The following FCSK variants were observed in gnomAD, a reference collection of about 807,000 sequenced individuals.
FCSK encodes the protein L-fucose kinase.
A neutral mutation model predicts 122.5 loss-of-function variants in FCSK; 123 were observed. The observed-to-expected ratio is 1.00, with a 90% confidence interval of 0.87 to 1.17. The LOEUF is 1.17. Among genes scored for constraint, FCSK ranks in the 50% most tolerant of loss-of-function variants. FCSK has a pLI of 0.00. For synonymous variants in FCSK, 620 were observed against 625.5 expected (o/e 0.99, Z 0.13); for missense variants, 1,366 against 1,450.4 (o/e 0.94, Z 0.95).
chr16:70,474,506 T>G, intron 16 of FCSK, 22 bp from the exon 17 acceptor site: 1 of 1,545,960 alleles, frequency 6.5e-7, no homozygotes, highest in Admixed American at 2.0e-5. Flanking sequence ...CATGCCACCA[T>G]CCCTCCCCCT....
intron 6 of FCSK, 97 bp downstream of exon 6, chr16:70,467,051 C>T (rs556896712): frequency 2.4e-5 from 28 of 1,144,926 alleles, no homozygotes; most frequent in African/African-American, 1.1e-4. Flanking sequence ...GGGCCTGCCC[C>T]GCTGCCCTAT....
intron 13 of FCSK, among the ~76,000 whole-genome samples, chr16:70,472,155 A>G (rs1310916004): frequency 6.6e-6 from 1 of 152,108 alleles, no homozygotes; most frequent in Admixed American, 6.6e-5. Flanking sequence ...ACTGGGATTC[A>G]GAGAGGGAGG....
In FCSK at chr16:70,473,468, G is replaced by A. The variant is rs2048699512; in HGVS notation, c.1777+115G>A. The A allele has an allele frequency of 2.4e-6, 3 of 1,249,890 alleles. No individual in the cohort carries two copies. In the Admixed American group the frequency reaches 9.0e-5, roughly 38 times the overall value. 77.4% of individuals were successfully genotyped at this position (1,249,890 alleles called of 1,614,324 possible). A position where few individuals can be genotyped will look rare whatever the true frequency, so the allele number is the denominator to read the frequency against. On this transcript the variant is annotated intron_variant, in intron 15 of 23. Coordinates refer to ENST00000288078, the MANE Select transcript of FCSK (RefSeq NM_145059.3). The surrounding 1 kb of genome is among the most constrained non-coding windows in gnomAD (Gnocchi z 4.9). ...ACCATGAGGTGCTCAAGCAGGGAAG[G>A]GGCATGCTGGAGTTTACTTTTAGGA...
chr16:70,475,447 C>T lies in FCSK; in HGVS notation c.2475C>T (p.Gly825=), dbSNP rs1389671836. 6.2e-7 allele frequency: 1 copy of T among 1,606,684 alleles called. No homozygotes were observed. Among genetic ancestry groups the T allele is most frequent in the African/African-American group, 1.3e-5 (1 of 74,916 alleles). The change falls in exon 19 of 24, where the codon GGC becomes GGT. Residue 825 remains glycine (G), a synonymous_variant. Transcript: ENST00000288078. Reference sequence around the variant, plus strand: ...AGCTGCTCCGCACCTTCGGGGGCGGCTTTGAGCTGCACACCTGGTCTGAGC... The same window carrying T: ...AGCTGCTCCGCACCTTCGGGGGCGGTTTTGAGCTGCACACCTGGTCTGAGC... ...SEQLLRTFGG[G]FELHTWSELP... is the part of the protein sequence containing the mutation.
At chr16:70,462,983 C>T (rs180918540) in intron 1 of FCSK, among the ~76,000 whole-genome samples, 186 bp from the exon 2 acceptor site, 4 of 152,220 alleles carry the variant, frequency 2.6e-5, no homozygotes, top group Non-Finnish European at 4.4e-5. Flanking sequence ...CTTTAGAGAG[C>T]AAATCAGTGG....
At position 70,474,245 on chromosome 16, in the gene FCSK, C is replaced by G. The variant is rs780240758; in HGVS notation, c.1894C>G (p.Pro632Ala). ...CTTGCGGAGCGGGCCAGCTGCCAAC[C>G]CTGAGTGGATGCGGCCCTTCTCATA... is the stretch of plus-strand genomic sequence containing the variant. ...GGLRSGPAAN[P>A]EWMRPFSYLE... Residue 632 changes from proline (P) to alanine (A), a missense_variant, in exon 16 of 24, where the codon CCT (proline) becomes GCT (alanine). By Grantham distance (27) the Pro-to-Ala change is conservative. Transcript: ENST00000288078. The G allele has an allele frequency of 4.1e-5, 66 of 1,611,084 alleles. No homozygotes were observed. The South Asian group carries it at 7.1e-4, about 17-fold the overall frequency.
chr16:70,463,315 C>G (rs368050018), intron 2 of FCSK, 43 bp downstream of exon 2: 1 of 1,528,074 alleles, frequency 6.5e-7, no homozygotes, highest in African/African-American at 1.4e-5. Context: ...TGGAGAACCT[C>G]CCTCCCCTTC....
At chr16:70,469,579 ACT>A (rs1015165046) in intron 10 of FCSK, among the ~76,000 whole-genome samples, 4 of 148,780 alleles carry the variant, frequency 2.7e-5, no homozygotes, top group Non-Finnish European at 4.5e-5. Context: ...TTTGAGACGG[ACT>A]CTCTCTTTGT....
At chr16:70,476,537 G>A (rs1386321311) in intron 20 of FCSK, among the ~76,000 whole-genome samples, 1 of 151,852 alleles carries the variant, frequency 6.6e-6, no homozygotes, top group East Asian at 1.9e-4. Context: ...CCAGCGCCAG[G>A]CTTCTCACTC....
chr16:70,470,533 A>G (rs2048580083), intron 11 of FCSK, 107 bp downstream of exon 11: 1 of 720,770 alleles, frequency 1.4e-6, no homozygotes, highest in South Asian at 1.6e-5. Context: ...ACCCGAGTGC[A>G]GGTGTTACCC....
chr16:70,468,838 G>A lies in FCSK; in HGVS notation c.664-11G>A, dbSNP rs769979963. The A allele has an allele frequency of 1.2e-6, 2 of 1,613,852 alleles. No individual in the cohort carries two copies. Among genetic ancestry groups the A allele is most frequent in the East Asian group, 4.5e-5 (2 of 44,880 alleles). The stretch of plus-strand genomic sequence containing the variant: ...GCCCTCCATCTCTGATCCTTTTGGG[G>A]TCCCTTCCAGGTCTCTGGGGTTGTC... On this transcript the variant is annotated splice_polypyrimidine_tract_variant and intron_variant, in intron 8 of 23. Coordinates refer to ENST00000288078, the MANE Select transcript of FCSK (RefSeq NM_145059.3).
chr16:70,463,573 G>T (rs2048329401), intron 2 of FCSK, 50 bp from the exon 3 acceptor site: 1 of 1,603,652 alleles, frequency 6.2e-7, no homozygotes, highest in South Asian at 1.1e-5. Flanking sequence ...CGTGCTTTGG[G>T]CCAGGGCAGA....
At position 70,468,730 on chromosome 16, in the gene FCSK, C is replaced by T. The variant is rs538835913; in HGVS notation, c.664-119C>T. 6 of 1,302,252 alleles carry T rather than the reference C, an allele frequency of 4.6e-6. No homozygotes were observed. The African/African-American group carries it at 7.3e-5, about 16-fold the overall frequency. 80.7% of individuals were successfully genotyped at this position (1,302,252 alleles called of 1,614,324 possible). On this transcript the variant is annotated intron_variant, in intron 8 of 23. Transcript: ENST00000288078. Reference sequence around the variant, plus strand: ...GGCTGCTGGAGTGGTCAGAAGGTGACACTCCCTGCCTGGTATGGCACTCAG... The same window carrying T: ...GGCTGCTGGAGTGGTCAGAAGGTGATACTCCCTGCCTGGTATGGCACTCAG...
Position 70,467,955 on chromosome 16 carries a change from C to CGGGT in FCSK, c.654_657dup (p.Pro220GlyfsTer49), listed in dbSNP as rs1372556003. ...TCAGCGGTGTGTCAGGCCTGATGGG[C>CGGGT]GGGTGCCACTGGTATGGCTGCTGGG... On this transcript the variant is annotated frameshift_variant, in exon 8 of 24. Coordinates refer to ENST00000288078, the MANE Select transcript of FCSK (RefSeq NM_145059.3). LOFTEE classifies it high-confidence loss of function. 1.9e-6 allele frequency: 3 copies of CGGGT among 1,613,722 alleles called. No individual in the cohort carries two copies. In the African/African-American group the frequency reaches 4.0e-5, roughly 22 times the overall value.
chr16:70,475,991 G>A (rs1328468132), intron 20 of FCSK: 4 of 442,500 alleles, frequency 9.0e-6, no homozygotes, highest in Admixed American at 8.1e-5. Flanking sequence ...CTGAGTGCCA[G>A]ATTCTGTGCT....
chr16:70,467,291 C>G, intron 6 of FCSK, 83 bp from the exon 7 acceptor site: 1 of 960,862 alleles, frequency 1.0e-6, no homozygotes, highest in East Asian at 2.6e-5. Flanking sequence ...TGCCGCAGCC[C>G]TGGGCTCTTG....
chr16:70,473,321 GC>G lies in FCSK; in HGVS notation c.1749del (p.Leu586CysfsTer76). 1.3e-6 allele frequency: 2 copies of G among 1,514,132 alleles called. No individual in the cohort carries two copies. Among genetic ancestry groups the G allele is most frequent in the Non-Finnish European group, 8.9e-7 (1 of 1,128,384 alleles). The allele number at this position is 1,514,132 out of a possible 1,614,324, so 93.8% of individuals were successfully genotyped here. On this transcript the variant is annotated frameshift_variant, in exon 15 of 24. Coordinates refer to ENST00000288078, the MANE Select transcript of FCSK (RefSeq NM_145059.3). LOFTEE classifies it high-confidence loss of function. The surrounding 1 kb of genome is among the most constrained non-coding windows in gnomAD (Gnocchi z 4.9). The stretch of plus-strand genomic sequence containing the variant: ...ATCTGGGCTGCTGTCCGCGAGGGCT[GC>G]CCCGGGCCCCTGCTGGCCACGCTGG... The part of the protein sequence containing the change: ...PLIWAAVREG[C>X]PGPLLATLDQ...
intron 19 of FCSK, 57 bp downstream of exon 19, chr16:70,475,550 TG>T: frequency 6.3e-7 from 1 of 1,590,232 alleles, no homozygotes; most frequent in Non-Finnish European, 8.6e-7. Context: ...CAGCCTTGCC[TG>T]TGATCCCCCT....
rs184319556 is a variant in FCSK at position 70,472,389 on chromosome 16, C to G, written c.1342-152C>G. On this transcript the variant is annotated intron_variant, in intron 13 of 23. Coordinates refer to ENST00000288078, the MANE Select transcript of FCSK (RefSeq NM_145059.3). ...CATACCTGCAGTGAGCTGACCACAC[C>G]ACTGCACTCCAGCCTGGGTGGGTCA... 6 of 585,788 alleles carry G rather than the reference C, an allele frequency of 1.0e-5. No individual in the cohort carries two copies. The South Asian group carries it at 1.1e-4, about 11-fold the overall frequency. 36.3% of individuals were successfully genotyped at this position (585,788 alleles called of 1,614,324 possible).
Sources: allele counts gnomAD v4.1 joint callset (sites outside exome capture counted in the v4.1 genomes callset), GRCh38; gene constraint gnomAD v4.1.1; non-coding constraint Gnocchi (gnomAD v3.1); transcripts MANE v1.5; gene names NCBI Gene and HGNC (gene_info 2026-07-23, HGNC 2026-07-21).